The following NAALADL2 variants were observed in gnomAD, a reference collection of about 807,000 sequenced individuals.
The protein encoded by NAALADL2 is inactive N-acetylated-alpha-linked acidic dipeptidase-like protein 2.
A neutral mutation model predicts 87.2 loss-of-function variants in NAALADL2; 76 were observed. The ratio of observed to expected loss-of-function variants is 0.87; its 90% CI spans 0.72 to 1.05. The LOEUF is 1.05. Ranked by LOEUF, NAALADL2 falls within the 50% of genes least tolerant of loss-of-function variation. The pLI, the probability that NAALADL2 is intolerant of heterozygous loss-of-function variation, is 0.00. For missense variants in NAALADL2, 1,089 were observed against 945.8 expected (o/e 1.15, Z -1.99); for synonymous variants, 354 against 331.0 (o/e 1.07, Z -0.75).
At chr3:175,300,729 A>G (rs899708796) in intron 4 of NAALADL2, among the ~76,000 whole-genome samples, 3 of 149,852 alleles carry the variant, frequency 2.0e-5, no homozygotes, top group Admixed American at 6.7e-5. Context: ...TTTTCAAAAA[A>G]CCATCTCCTG....
chr3:174,597,152 G>A (rs765144762), intron 2 of NAALADL2, among the ~76,000 whole-genome samples: 1 of 152,192 alleles, frequency 6.6e-6, no homozygotes, highest in Non-Finnish European at 1.5e-5. Flanking sequence ...TGCAAAAGGT[G>A]CATTGGGCAG....
chr3:174,635,139 T>G (rs567409579), intron 2 of NAALADL2, among the ~76,000 whole-genome samples: 2 of 152,350 alleles, frequency 1.3e-5, no homozygotes, highest in South Asian at 4.1e-4. Flanking sequence ...TGTAGTGACC[T>G]TCTCATTTTA....
At chr3:175,413,677 C>CT (rs1714055863) in intron 5 of NAALADL2, among the ~76,000 whole-genome samples, 2 of 151,748 alleles carry the variant, frequency 1.3e-5, no homozygotes, top group African/African-American at 4.8e-5. Context: ...ACAAAGGCAG[C>CT]CTCCAGTTTC....
intron 9 of NAALADL2, among the ~76,000 whole-genome samples, chr3:175,485,916 T>C (rs1019146387): frequency 6.6e-5 from 10 of 152,190 alleles, no homozygotes; most frequent in Admixed American, 6.5e-4. Context: ...CTTTGTTCTC[T>C]GCCATGTGAG....
chr3:174,795,616 A>G (rs1262728409), intron 3 of NAALADL2, among the ~76,000 whole-genome samples: 1 of 152,210 alleles, frequency 6.6e-6, no homozygotes, highest in Admixed American at 6.5e-5. Flanking sequence ...GCTGCCAAAC[A>G]GTTGTCAAAA....
chr3:175,004,762 C>A (rs1560465294), intron 1 of NAALADL2, among the ~76,000 whole-genome samples: 1 of 151,786 alleles, frequency 6.6e-6, no homozygotes, highest in Non-Finnish European at 1.5e-5. Context: ...ATATTGATAT[C>A]ATTATCTTCA....
intron 1 of NAALADL2, among the ~76,000 whole-genome samples, chr3:174,937,083 C>T (rs1737803238): frequency 6.6e-6 from 1 of 152,060 alleles, no homozygotes; most frequent in Non-Finnish European, 1.5e-5. Context: ...CCTGCCCAAA[C>T]ATTTTATCAT....
chr3:175,667,241 A>AAGAAAGAAAGAAAGAAAT (rs1182682303), intron 11 of NAALADL2, among the ~76,000 whole-genome samples: 1 of 91,716 alleles, frequency 1.1e-5, no homozygotes, highest in African/African-American at 5.1e-5. Flanking sequence ...GAAAGAAAGA[A>AAGAAAGAAAGAAAGAAAT]AAAGAAAGAA....
chr3:175,645,985 T>C (rs1729954169), intron 11 of NAALADL2, among the ~76,000 whole-genome samples: 1 of 152,118 alleles, frequency 6.6e-6, no homozygotes, highest in Non-Finnish European at 1.5e-5. Flanking sequence ...ATTAAAACAG[T>C]AGGAGAAACA....
At chr3:174,695,362 A>G (rs942272439) in intron 2 of NAALADL2, among the ~76,000 whole-genome samples, 1 of 152,034 alleles carries the variant, frequency 6.6e-6, no homozygotes, top group African/African-American at 2.4e-5. Flanking sequence ...CAGGGTAAGT[A>G]CAGGAGTTCA....
At chr3:175,473,053 G>C (rs1259443380) in intron 9 of NAALADL2, among the ~76,000 whole-genome samples, 2 of 152,048 alleles carry the variant, frequency 1.3e-5, no homozygotes, top group African/African-American at 4.8e-5. Context: ...TATATTTTGA[G>C]AATCTTGAAA....
At chr3:175,570,418 T>C (rs1454703252) in intron 9 of NAALADL2, among the ~76,000 whole-genome samples, 1 of 152,208 alleles carries the variant, frequency 6.6e-6, no homozygotes, top group Non-Finnish European at 1.5e-5. Context: ...AAGTTGACAC[T>C]TAAAATTAAC....
rs1033112690 is a variant in NAALADL2 at position 174,628,426 on chromosome 3, G to C, written c.-115+77789G>C. On this transcript the variant is annotated intron_variant, in intron 2 of 3. Coordinates refer to the NAALADL2 transcript ENST00000434257. ...CTGGAGGCGGAGGTTGCAGTGAGCT[G>C]AGATGGCGCCACTGCACTCCAGCCC... Among the ~76,000 whole-genome samples, 5 of 142,446 alleles carry C rather than the reference G, an allele frequency of 3.5e-5. No homozygotes were observed. The South Asian group carries it at 8.8e-4, about 25-fold the overall frequency. The allele number at this position is 142,446 out of a possible 152,430, so 93.5% of individuals were successfully genotyped here.
chr3:175,569,011 A>G (rs1213649027), intron 9 of NAALADL2, among the ~76,000 whole-genome samples: 1 of 152,222 alleles, frequency 6.6e-6, no homozygotes, highest in Non-Finnish European at 1.5e-5. Flanking sequence ...CCTGTTTCAT[A>G]ATTGAATGGA....
chr3:174,930,594 A>G (rs1736712560), intron 1 of NAALADL2, among the ~76,000 whole-genome samples: 1 of 141,132 alleles, frequency 7.1e-6, no homozygotes, highest in Non-Finnish European at 1.6e-5. Context: ...ATTATTTGCA[A>G]GTCCTTTAAA....
chr3:174,777,209 A>G (rs1413208734), intron 3 of NAALADL2, among the ~76,000 whole-genome samples: 2 of 152,138 alleles, frequency 1.3e-5, no homozygotes, highest in Non-Finnish European at 2.9e-5. Context: ...TTAAATCAGC[A>G]GAATATTTTG....
At chr3:174,556,006 TGTGC>T (rs141347522) in intron 2 of NAALADL2, among the ~76,000 whole-genome samples, 19,437 of 136,468 alleles carry the variant, frequency 0.14, 1,284 homozygotes, top group East Asian at 0.26. Context: ...TGTGTGTGTG[TGTGC>T]GCGCACGTGA....
chr3:175,755,963 G>A (rs1445491483), intron 13 of NAALADL2, among the ~76,000 whole-genome samples: 2 of 152,004 alleles, frequency 1.3e-5, no homozygotes, highest in African/African-American at 4.8e-5. Flanking sequence ...TATGGAAGGT[G>A]GATTAGATAC....
intron 1 of NAALADL2, chr3:174,523,422 G>T: frequency 1.3e-5 from 2 of 151,672 alleles, no homozygotes; most frequent in African/African-American, 2.4e-5. Context: ...GTGTAATTTC[G>T]GCTTATTTTA....
Sources: allele counts gnomAD v4.1 joint callset (sites outside exome capture counted in the v4.1 genomes callset), GRCh38; gene constraint gnomAD v4.1.1; transcripts MANE v1.5; gene names NCBI Gene and HGNC (gene_info 2026-07-23, HGNC 2026-07-21).